Variants in NXN observed in about 807,000 individuals in gnomAD.
NXN encodes the protein nucleoredoxin 1.
NXN carries 16 observed loss-of-function variants against 48.6 expected under a neutral mutation model. The observed-to-expected ratio is 0.33, with a 90% CI of 0.22 to 0.50. NXN has a LOEUF of 0.50. Among genes scored for constraint, NXN ranks in the 20% least tolerant of loss-of-function variants. The pLI, the probability that NXN is intolerant of heterozygous loss-of-function variation, is 0.98. For missense variants in NXN, 492 were observed against 605.5 expected, an observed-to-expected ratio of 0.81 and a Z score of 1.97; for synonymous variants, 281 against 269.6, an observed-to-expected ratio of 1.04 and a Z score of -0.41.
At chr17:952,148 G>T (rs2663346) in intron 1 of NXN, among the ~76,000 whole-genome samples, 47,501 of 146,444 alleles carry the variant, frequency 0.32, 10,545 homozygotes, top group East Asian at 0.44. Context: ...GGCCACAGGA[G>T]GTTGCAGAAA....
intron 1 of NXN, chr17:842,650 C>CCTGCCCTGAAGGTGCACT: frequency 2.5e-6 from 2 of 807,160 alleles, no homozygotes; most frequent in Non-Finnish European, 3.0e-6. Flanking sequence ...GAAAGTGCAC[C>CCTGCCCTGAAGGTGCACT]TTCAGGGCAG....
chr17:809,765 GT>G (rs1243853791), intron 5 of NXN, among the ~76,000 whole-genome samples: 1 of 152,276 alleles, frequency 6.6e-6, no homozygotes, highest in East Asian at 1.9e-4. Context: ...GCGCCACACT[GT>G]TTAGTAAAAA....
intron 1 of NXN, among the ~76,000 whole-genome samples, chr17:868,641 A>C (rs750382625): frequency 2.0e-5 from 3 of 152,026 alleles, no homozygotes; most frequent in Admixed American, 2.0e-4. Context: ...ACAGGCGCCC[A>C]CCACCACGCC....
chr17:959,148 C>G (rs539864012), intron 1 of NXN: 2 of 543,546 alleles, frequency 3.7e-6, no homozygotes, highest in South Asian at 8.2e-5. Context: ...AAGAGCCGAG[C>G]GCCCCTACGG....
At chr17:803,866 A>AGC (rs1209838707) in intron 6 of NXN, 60 bp from the exon 7 acceptor site, 1 of 1,595,664 alleles carries the variant, frequency 6.3e-7, no homozygotes, top group East Asian at 2.2e-5. Flanking sequence ...TGTCAAACAG[A>AGC]GCGGCACCCG....
At chr17:880,425 A>C (rs1330317784) in intron 1 of NXN, among the ~76,000 whole-genome samples, 1 of 152,154 alleles carries the variant, frequency 6.6e-6, no homozygotes, top group African/African-American at 2.4e-5. Flanking sequence ...GGCCTGTTAG[A>C]GCCTTTCTTA....
At chr17:909,092 T>G (rs1223845302) in intron 1 of NXN, among the ~76,000 whole-genome samples, 1 of 119,096 alleles carries the variant, frequency 8.4e-6, no homozygotes, top group East Asian at 2.8e-4. Flanking sequence ...GAGTGAGACT[T>G]CGTCTCAAAA....
intron 1 of NXN, among the ~76,000 whole-genome samples, chr17:964,403 G>T (rs1289571358): frequency 1.3e-5 from 2 of 152,186 alleles, no homozygotes; most frequent in African/African-American, 4.8e-5. Flanking sequence ...CAGAACTAGA[G>T]TGTTCCACCC....
chr17:979,172 CGGGGGACTGG>C (rs2069502281), intron 1 of NXN, 137 bp downstream of exon 1: 1 of 197,210 alleles, frequency 5.1e-6, no homozygotes. Flanking sequence ...GGTCGGGGGG[CGGGGGACTGG>C]GGGCAGGGGT....
intron 1 of NXN, among the ~76,000 whole-genome samples, chr17:912,000 C>T (rs148194619): frequency 2.0e-5 from 3 of 150,720 alleles, no homozygotes; most frequent in Admixed American, 1.3e-4. Context: ...TACAGTGGCG[C>T]GATCTCGGCT....
Position 830,279 on chromosome 17 carries a change from G to A in NXN, c.361-4201C>T, listed in dbSNP as rs1419050950. 6.6e-6 allele frequency among the ~76,000 whole-genome samples: 1 copy of A among 152,196 alleles called. No individual in the cohort carries two copies. The highest frequency in any genetic ancestry group is 1.9e-4 in the East Asian group (1 of 5,192). ...GATTCAGTTAAGAGCAGATGAGGCT[G>A]CTACCCTCGTGGGGCTCCTCCTCCA... On this transcript the variant is annotated intron_variant, in intron 1 of 7. Transcript: ENST00000336868. This position sits in a 1 kb window ranked among gnomAD's most constrained non-coding sequence, Gnocchi z 4.2.
chr17:953,622 T>G (rs1447471024), intron 1 of NXN, among the ~76,000 whole-genome samples: 2 of 152,134 alleles, frequency 1.3e-5, no homozygotes, highest in Non-Finnish European at 1.5e-5. Context: ...CTCTCAACAG[T>G]TGTACTTATC....
chr17:867,361 T>A (rs572806012), intron 1 of NXN, among the ~76,000 whole-genome samples: 4 of 147,130 alleles, frequency 2.7e-5, no homozygotes, highest in Non-Finnish European at 6.0e-5. Flanking sequence ...GTTCTCGGGG[T>A]TCTCCGGGGA....
chr17:951,013 C>A (rs4968066), intron 1 of NXN, among the ~76,000 whole-genome samples: 7,656 of 151,920 alleles, frequency 0.05, 343 homozygotes, highest in East Asian at 0.24. Context: ...TCAGAAAAAA[C>A]CGGGTAGAAC....
intron 1 of NXN, among the ~76,000 whole-genome samples, chr17:850,599 G>A (rs1410638628): frequency 6.6e-6 from 1 of 152,122 alleles, no homozygotes; most frequent in African/African-American, 2.4e-5. Flanking sequence ...GGGGCTGGGG[G>A]GCACCCAGTT....
At chr17:948,557 A>C (rs1458007477) in intron 1 of NXN, among the ~76,000 whole-genome samples, 2 of 151,988 alleles carry the variant, frequency 1.3e-5, no homozygotes, top group Non-Finnish European at 2.9e-5. Context: ...CTGGGGACCT[A>C]GCGGTGAACA....
intron 5 of NXN, among the ~76,000 whole-genome samples, chr17:807,890 G>A (rs1218712254): frequency 6.6e-6 from 1 of 152,252 alleles, no homozygotes; most frequent in African/African-American, 2.4e-5. Context: ...CCCTGTGCTA[G>A]GCACGGCACA....
Position 979,609 on chromosome 17 carries a change from G to C in NXN, c.70C>G (p.His24Asp). The change falls in exon 1 of 8, where the codon CAC becomes GAC. Residue 24 changes from histidine to aspartate, a missense_variant. His to Asp is a moderately conservative substitution (Grantham distance 81). This residue lies in a region of NXN where 186 missense variants were observed against 199.1 expected (regional missense o/e 0.93). Transcript: ENST00000336868. ...GAGATGCCGCGGGCGCCCAGCGAGT[G>C]CACGTCCACCTCCTCGCCGCCGCCC... ...VTGGGEEVDV[H>D]SLGARGISLL... The C allele has an allele frequency of 6.8e-7, 1 of 1,463,074 alleles. No homozygotes were observed. Among genetic ancestry groups the C allele is most frequent in the Admixed American group, 2.2e-5 (1 of 44,898 alleles). 90.6% of individuals were successfully genotyped at this position (1,463,074 alleles called of 1,614,324 possible).
chr17:837,514 G>A (rs930743617), intron 1 of NXN, among the ~76,000 whole-genome samples: 2 of 152,160 alleles, frequency 1.3e-5, no homozygotes, highest in African/African-American at 4.8e-5. Context: ...AGGAATCACC[G>A]TCCTAGGTCA....
Sources: allele counts gnomAD v4.1 joint callset (sites outside exome capture counted in the v4.1 genomes callset), GRCh38; gene constraint gnomAD v4.1.1; regional missense constraint gnomAD v4.1.1; non-coding constraint Gnocchi (gnomAD v3.1); transcripts MANE v1.5; gene names NCBI Gene and HGNC (gene_info 2026-07-23, HGNC 2026-07-21).